Variants in EBPL observed in about 807,000 individuals in gnomAD.
EBPL encodes the protein EBP like, also known as emopamil-binding protein-like.
A neutral mutation model predicts 19.0 loss-of-function variants in EBPL; 20 were observed. The observed-to-expected ratio is 1.05, with a 90% CI of 0.74 to 1.53. EBPL has a LOEUF of 1.53. Among genes scored for constraint, EBPL ranks in the 40% most tolerant of loss-of-function variants. EBPL has a pLI of 0.00. For missense variants in EBPL, 219 were observed against 261.1 expected (o/e 0.84, Z 1.11); for synonymous variants, 107 against 117.0 (o/e 0.91, Z 0.55).
intron 1 of EBPL, among the ~76,000 whole-genome samples, chr13:49,673,342 C>A (rs567677656): frequency 6.6e-6 from 1 of 152,170 alleles, no homozygotes; most frequent in African/African-American, 2.4e-5. Context: ...AACAACTACA[C>A]GAATGTTCAT....
intron 3 of EBPL, among the ~76,000 whole-genome samples, chr13:49,662,403 C>T (rs1254691517): frequency 6.6e-6 from 1 of 152,118 alleles, no homozygotes; most frequent in Non-Finnish European, 1.5e-5. Context: ...TACTTTTTGT[C>T]AAGTGGGACA....
chr13:49,677,794 T>C (rs1051806352), intron 1 of EBPL, among the ~76,000 whole-genome samples: 1 of 152,194 alleles, frequency 6.6e-6, no homozygotes, highest in East Asian at 1.9e-4. Flanking sequence ...GTTCTTGGTC[T>C]CAATGACTTC....
At chr13:49,673,799 T>C (rs1387502804) in intron 1 of EBPL, among the ~76,000 whole-genome samples, 1 of 152,142 alleles carries the variant, frequency 6.6e-6, no homozygotes, top group Non-Finnish European at 1.5e-5. Context: ...AGGACATTGT[T>C]AGTGGTTGCC....
chr13:49,669,316 T>C (rs1279081460), intron 2 of EBPL, among the ~76,000 whole-genome samples: 1 of 152,200 alleles, frequency 6.6e-6, no homozygotes, highest in Non-Finnish European at 1.5e-5. Context: ...TTCTCCCGCC[T>C]CAGCCTCCTG....
At chr13:49,665,655 T>G (rs1041124452) in intron 2 of EBPL, among the ~76,000 whole-genome samples, 1 of 152,166 alleles carries the variant, frequency 6.6e-6, no homozygotes, top group Non-Finnish European at 1.5e-5. Context: ...TCCATCTGTT[T>G]TGGCTTCCCA....
Position 49,683,779 on chromosome 13 carries a change from G to A in EBPL, c.171+7475C>T, listed in dbSNP as rs559145806. Among the ~76,000 whole-genome samples the A allele has an allele frequency of 8.1e-4, 123 of 152,274 alleles. 1 individual carries two copies. The highest frequency in any genetic ancestry group is 1.3e-3 in the Non-Finnish European group (86 of 68,014). ...AGTGGGAATGCACAACAGTACAGCCGCCGTGGAAAGCAGGATGGCAGTTTC... is the reference window on the plus strand; with the variant it reads ...AGTGGGAATGCACAACAGTACAGCCACCGTGGAAAGCAGGATGGCAGTTTC... On this transcript the variant is annotated intron_variant, in intron 1 of 3. Coordinates refer to ENST00000242827, the MANE Select transcript of EBPL (RefSeq NM_032565.5).
intron 1 of EBPL, among the ~76,000 whole-genome samples, chr13:49,676,906 T>A (rs1469864016): frequency 6.6e-6 from 1 of 152,152 alleles, no homozygotes; most frequent in Non-Finnish European, 1.5e-5. Context: ...CCTTAGTCCT[T>A]CCTAATTTTT....
intron 1 of EBPL, among the ~76,000 whole-genome samples, chr13:49,674,109 A>G (rs1188215691): frequency 1.3e-5 from 2 of 151,892 alleles, no homozygotes; most frequent in Non-Finnish European, 2.9e-5. Flanking sequence ...CAAAATAGAA[A>G]ATAACTTTTT....
chr13:49,690,267 T>C (rs1954047087), intron 1 of EBPL, among the ~76,000 whole-genome samples: 1 of 151,360 alleles, frequency 6.6e-6, no homozygotes. Context: ...ATAAAAAGAA[T>C]TCCAGCAACA....
chr13:49,674,675 G>C (rs1007544260), intron 1 of EBPL, among the ~76,000 whole-genome samples: 13 of 150,874 alleles, frequency 8.6e-5, no homozygotes, highest in Non-Finnish European at 1.5e-5. Flanking sequence ...TTGTCTAGTT[G>C]GATAACAATG....
Position 49,664,355 on chromosome 13 carries a change from T to A in EBPL, c.242-1160A>T, listed in dbSNP as rs139473154. Among the ~76,000 whole-genome samples, 44 of 151,662 alleles carry A rather than the reference T, an allele frequency of 2.9e-4. No homozygotes were observed. In the East Asian group the frequency reaches 6.8e-3, roughly 23 times the overall value. ...GCCCAGACTGCAGAATGAATCGGAG[T>A]GGGCAGAGGGGCATCTCCGCCCACA... is the stretch of plus-strand genomic sequence containing the variant. On this transcript the variant is annotated intron_variant, in intron 2 of 3. Coordinates refer to ENST00000242827, the MANE Select transcript of EBPL (RefSeq NM_032565.5).
intron 1 of EBPL, among the ~76,000 whole-genome samples, chr13:49,679,851 A>C (rs1023022788): frequency 2.6e-5 from 4 of 151,948 alleles, no homozygotes; most frequent in Non-Finnish European, 4.4e-5. Context: ...TCCGGGCTTA[A>C]ATTTCCTAAC....
At chr13:49,678,867 C>T (rs982803397) in intron 1 of EBPL, among the ~76,000 whole-genome samples, 4 of 149,456 alleles carry the variant, frequency 2.7e-5, no homozygotes, top group Non-Finnish European at 5.9e-5. Flanking sequence ...AAAAATTAGT[C>T]AGGCATGGGT....
chr13:49,686,124 A>G (rs1174837608), intron 1 of EBPL, among the ~76,000 whole-genome samples: 1 of 152,200 alleles, frequency 6.6e-6, no homozygotes, highest in South Asian at 2.1e-4. Flanking sequence ...CACCATGACA[A>G]AAGTGTGGAA....
intron 1 of EBPL, among the ~76,000 whole-genome samples, chr13:49,680,822 A>AAAAAAC (rs111598124): frequency 7.3e-5 from 11 of 151,106 alleles, no homozygotes; most frequent in Admixed American, 6.6e-5. Context: ...TTCCGTCTCA[A>AAAAAAC]AAAACAAAAC....
chr13:49,679,128 G>C (rs1953915325), intron 1 of EBPL, among the ~76,000 whole-genome samples: 1 of 152,140 alleles, frequency 6.6e-6, no homozygotes, highest in Non-Finnish European at 1.5e-5. Context: ...ATTATCTGTG[G>C]AATTGTAGAG....
chr13:49,689,259 T>A (rs1356356554), intron 1 of EBPL, among the ~76,000 whole-genome samples: 2 of 152,222 alleles, frequency 1.3e-5, no homozygotes, highest in African/African-American at 4.8e-5. Context: ...AACCTGAGCT[T>A]GAAAAGTAAA....
chr13:49,665,911 T>G (rs1488224706), intron 2 of EBPL, among the ~76,000 whole-genome samples: 8 of 152,158 alleles, frequency 5.3e-5, no homozygotes, highest in African/African-American at 1.9e-4. Context: ...GAAGACTTCC[T>G]GGAGGAGGTG....
chr13:49,691,116 C>T, intron 1 of EBPL, 138 bp downstream of exon 1: 1 of 819,488 alleles, frequency 1.2e-6, no homozygotes, highest in Non-Finnish European at 1.6e-6. Context: ...AGGCGCCTCT[C>T]AGCTAACAGA....
Sources: allele counts gnomAD v4.1 joint callset (sites outside exome capture counted in the v4.1 genomes callset), GRCh38; gene constraint gnomAD v4.1.1; transcripts MANE v1.5; gene names NCBI Gene and HGNC (gene_info 2026-07-23, HGNC 2026-07-21).